LRBA: variants seen among roughly 807,000 people sequenced by gnomAD.
LRBA encodes the protein LPS responsive beige-like anchor protein, also known as lipopolysaccharide-responsive and beige-like anchor protein.
LRBA carries 176 observed loss-of-function variants against 330.0 expected under a neutral mutation model. That is an observed-to-expected ratio of 0.53 (90% CI 0.47 to 0.60). The LOEUF is 0.60. Ranked by LOEUF, LRBA falls within the 20% of genes least tolerant of loss-of-function variation. The pLI is 0.00. For synonymous variants in LRBA, 1,230 were observed against 1,193.0 expected, an observed-to-expected ratio of 1.03 and a Z score of -0.64; for missense variants, 3,259 against 3,444.8, an observed-to-expected ratio of 0.95 and a Z score of 1.35.
intron 36 of LRBA, among the ~76,000 whole-genome samples, chr4:150,732,456 T>A (rs1280728077): frequency 6.6e-6 from 1 of 152,024 alleles, no homozygotes; most frequent in Non-Finnish European, 1.5e-5. Flanking sequence ...CTTATTCACT[T>A]CAACAGTACG....
chr4:150,957,570 C>T lies in LRBA; in HGVS notation c.217-28505G>A, dbSNP rs530445817. Among the ~76,000 whole-genome samples the T allele has an allele frequency of 5.4e-5, 8 of 148,550 alleles. No homozygotes were observed. The South Asian group carries it at 1.7e-3, about 31-fold the overall frequency. ...TCCCAAATCTCATATCCTCACATTTCAAAACCAATCATGCCTTCCCAACAG... is the reference window on the plus strand; with the variant it reads ...TCCCAAATCTCATATCCTCACATTTTAAAACCAATCATGCCTTCCCAACAG... On this transcript the variant is annotated intron_variant, in intron 2 of 56. Coordinates refer to ENST00000651943, the MANE Select transcript of LRBA (RefSeq NM_001364905.1).
chr4:150,860,698 G>A (rs916818957), intron 22 of LRBA, among the ~76,000 whole-genome samples: 11 of 151,978 alleles, frequency 7.2e-5, no homozygotes, highest in Non-Finnish European at 4.4e-5. Context: ...ATGGTGGCAG[G>A]CGCCTGTAGT....
chr4:150,805,691 A>T (rs1742689152), intron 33 of LRBA, among the ~76,000 whole-genome samples: 1 of 151,732 alleles, frequency 6.6e-6, no homozygotes, highest in African/African-American at 2.4e-5. Context: ...AAGGAAAGGA[A>T]AGGAGAAGGA....
intron 22 of LRBA, among the ~76,000 whole-genome samples, chr4:150,866,605 C>T (rs1374337586): frequency 2.0e-5 from 3 of 152,164 alleles, no homozygotes; most frequent in East Asian, 1.9e-4. Flanking sequence ...AAAGAATTTG[C>T]ATTATCTTGT....
chr4:150,413,063 T>C (rs562791105), intron 47 of LRBA, among the ~76,000 whole-genome samples: 4 of 151,872 alleles, frequency 2.6e-5, no homozygotes, highest in African/African-American at 7.2e-5. Context: ...GAATGGATAC[T>C]TCACCAAAGA....
chr4:150,630,041 T>C (rs1777223853), intron 37 of LRBA, among the ~76,000 whole-genome samples: 1 of 152,196 alleles, frequency 6.6e-6, no homozygotes, highest in Non-Finnish European at 1.5e-5. Context: ...ACCCCCATCA[T>C]GTTGACACAG....
chr4:150,492,628 A>C (rs558574972), intron 40 of LRBA, among the ~76,000 whole-genome samples: 2 of 152,266 alleles, frequency 1.3e-5, no homozygotes, highest in East Asian at 3.9e-4. Flanking sequence ...AAAATTTTAA[A>C]ATACAAATCA....
intron 46 of LRBA, among the ~76,000 whole-genome samples, chr4:150,418,953 CAGTCAGCATTTTTT>C (rs1748177568): frequency 1.3e-5 from 2 of 152,070 alleles, no homozygotes; most frequent in Non-Finnish European, 2.9e-5. Context: ...TCAAAATCTA[CAGTCAGCATTTTTT>C]TTTTCCCCAG....
chr4:150,453,448 T>C (rs139464628), intron 44 of LRBA, among the ~76,000 whole-genome samples: 44 of 152,298 alleles, frequency 2.9e-4, no homozygotes, highest in African/African-American at 9.9e-4. Context: ...GTTAGAAGAA[T>C]TGGACTTCTA....
chr4:150,606,440 C>T (rs1425786550), intron 37 of LRBA, among the ~76,000 whole-genome samples: 1 of 152,026 alleles, frequency 6.6e-6, no homozygotes, highest in Non-Finnish European at 1.5e-5. Context: ...TGTTGAGTGC[C>T]AACTATGTAC....
At chr4:150,952,408 A>C (rs1026591054) in intron 2 of LRBA, among the ~76,000 whole-genome samples, 11 of 152,182 alleles carry the variant, frequency 7.2e-5, no homozygotes, top group Admixed American at 3.3e-4. Flanking sequence ...GGCTACCTCA[A>C]AGAAGTGGGT....
chr4:150,334,293 G>C (rs1354939166), intron 48 of LRBA, among the ~76,000 whole-genome samples: 1 of 152,024 alleles, frequency 6.6e-6, no homozygotes, highest in Non-Finnish European at 1.5e-5. Context: ...GCAGATAAAT[G>C]TTCAAAATAT....
intron 2 of LRBA, among the ~76,000 whole-genome samples, chr4:150,979,168 G>A (rs1740555312): frequency 6.6e-6 from 1 of 152,146 alleles, no homozygotes; most frequent in Admixed American, 6.5e-5. Flanking sequence ...AACGTACAAT[G>A]GAGCTCCAAT....
chr4:150,584,848 A>G (rs897514631), intron 40 of LRBA, among the ~76,000 whole-genome samples: 5 of 152,196 alleles, frequency 3.3e-5, no homozygotes, highest in African/African-American at 9.6e-5. Context: ...AATTGACTGT[A>G]TAAGTTCCGA....
chr4:150,770,921 T>C (rs891385837), intron 34 of LRBA, among the ~76,000 whole-genome samples: 2 of 152,200 alleles, frequency 1.3e-5, no homozygotes, highest in African/African-American at 2.4e-5. Flanking sequence ...ATTCTAGACA[T>C]ACTCTTCCTT....
chr4:150,357,851 A>G (rs987308953), intron 47 of LRBA, among the ~76,000 whole-genome samples: 1 of 152,100 alleles, frequency 6.6e-6, no homozygotes, highest in South Asian at 2.1e-4. Context: ...CATAAAAACT[A>G]TGCCATGAAA....
At chr4:150,678,864 GA>G (rs1335079733) in intron 37 of LRBA, among the ~76,000 whole-genome samples, 13 of 152,216 alleles carry the variant, frequency 8.5e-5, no homozygotes, top group African/African-American at 3.1e-4. Context: ...TTGCACTTAT[GA>G]GTACCCATTT....
At chr4:150,627,199 A>G (rs1305571298) in intron 37 of LRBA, among the ~76,000 whole-genome samples, 2 of 152,124 alleles carry the variant, frequency 1.3e-5, no homozygotes, top group Non-Finnish European at 2.9e-5. Context: ...ACAAAATGAG[A>G]GCCTGACTGT....
chr4:150,811,452 T>C (rs771527872), intron 31 of LRBA, among the ~76,000 whole-genome samples: 1 of 150,422 alleles, frequency 6.6e-6, no homozygotes, highest in Non-Finnish European at 1.5e-5. Flanking sequence ...GGGGTGTGCA[T>C]GAGGCTTTAG....
Sources: allele counts gnomAD v4.1 joint callset (sites outside exome capture counted in the v4.1 genomes callset), GRCh38; gene constraint gnomAD v4.1.1; transcripts MANE v1.5; gene names NCBI Gene and HGNC (gene_info 2026-07-23, HGNC 2026-07-21).